Variants in ITGB3 observed in about 807,000 individuals in gnomAD.
ITGB3 encodes the protein integrin subunit beta 3.
In ITGB3, 48 loss-of-function variants were observed where a neutral mutation model predicts 85.8. The observed-to-expected ratio is 0.56, with a 90% CI of 0.44 to 0.71. The LOEUF (loss-of-function observed/expected upper bound fraction) is 0.71. Ranked by LOEUF, ITGB3 falls within the 30% of genes least tolerant of loss-of-function variation. The pLI, the probability that ITGB3 is intolerant of heterozygous loss-of-function variation, is 0.00. For missense variants in ITGB3, 861 were observed against 1,019.1 expected (o/e 0.84, Z 2.11); for synonymous variants, 363 against 395.6 (o/e 0.92, Z 0.98).
intron 10 of ITGB3, among the ~76,000 whole-genome samples, chr17:47,294,048 T>A (rs928102425): frequency 1.1e-4 from 17 of 152,368 alleles, no homozygotes; most frequent in African/African-American, 3.8e-4. Flanking sequence ...CTGCTTTTTT[T>A]ATTATCTACG....
intron 13 of ITGB3, chr17:47,303,730 C>A (rs2065176197): frequency 6.6e-6 from 1 of 152,252 alleles, no homozygotes; most frequent in Admixed American, 6.5e-5. Flanking sequence ...TTGTCACCAA[C>A]CAATGCTGTC....
chr17:47,272,732 TTTC>T (rs139679269), intron 1 of ITGB3, among the ~76,000 whole-genome samples: 21,540 of 146,056 alleles, frequency 0.15, 1,675 homozygotes, highest in African/African-American at 0.17. Context: ...TCTTTCGTTC[TTTC>T]TTTTCTTTCT....
Position 47,263,190 on chromosome 17 carries a change from C to T in ITGB3, c.79+9250C>T, listed in dbSNP as rs115641946. On this transcript the variant is annotated intron_variant, in intron 1 of 14. Coordinates refer to ENST00000559488, the MANE Select transcript of ITGB3 (RefSeq NM_000212.3). Reference sequence around the variant, plus strand: ...CATATCCATCTGTTGTTTTACTGCTCCTGCCTTACCACATTTCTCAGGAGC... The same window carrying T: ...CATATCCATCTGTTGTTTTACTGCTTCTGCCTTACCACATTTCTCAGGAGC... 8.5e-3 allele frequency among the ~76,000 whole-genome samples: 1,299 copies of T among 152,210 alleles called. 11 individuals carry two copies. Among genetic ancestry groups the T allele is most frequent in the African/African-American group, 0.03 (1,249 of 41,518 alleles).
At chr17:47,290,922 T>C (rs1457767695) in intron 8 of ITGB3, 32 bp from the exon 9 acceptor site, 1 of 1,613,756 alleles carries the variant, frequency 6.2e-7, no homozygotes, top group South Asian at 1.1e-5. Flanking sequence ...TTCAGTTCAA[T>C]TTCTTGTCTT....
intron 12 of ITGB3, among the ~76,000 whole-genome samples, chr17:47,301,599 A>C (rs888153345): frequency 1.3e-5 from 2 of 152,194 alleles, no homozygotes; most frequent in Admixed American, 1.3e-4. Flanking sequence ...AGGCTAATTG[A>C]TAAGCAGTTC....
Position 47,281,225 on chromosome 17 carries a change from C to T in ITGB3, c.166-2129C>T, listed in dbSNP as rs561142101. On this transcript the variant is annotated intron_variant, in intron 2 of 14. Coordinates refer to ENST00000559488, the MANE Select transcript of ITGB3 (RefSeq NM_000212.3). Reference sequence around the variant, plus strand: ...TGGGATATTGGTGTGGGTTATCCAGCAGACATTTGGAAGTGCTGGTTGGGG... The same window carrying T: ...TGGGATATTGGTGTGGGTTATCCAGTAGACATTTGGAAGTGCTGGTTGGGG... Among the ~76,000 whole-genome samples, 227 of 152,196 alleles carry T rather than the reference C, an allele frequency of 1.5e-3. 1 individual carries two copies. Among genetic ancestry groups the T allele is most frequent in the African/African-American group, 5.4e-3 (225 of 41,512 alleles).
chr17:47,274,598 C>A, intron 2 of ITGB3, 94 bp downstream of exon 2: 2 of 1,042,132 alleles, frequency 1.9e-6, no homozygotes, highest in East Asian at 2.4e-5. Flanking sequence ...CTCTTGAATA[C>A]ACATGCCCCT....
chr17:47,265,891 G>A (rs2065023541), intron 1 of ITGB3, among the ~76,000 whole-genome samples: 1 of 152,144 alleles, frequency 6.6e-6, no homozygotes, highest in Non-Finnish European at 1.5e-5. Flanking sequence ...ACTGCTTTGG[G>A]TGATGCTTAC....
chr17:47,270,690 G>A (rs1261659276), intron 1 of ITGB3, among the ~76,000 whole-genome samples: 1 of 152,200 alleles, frequency 6.6e-6, no homozygotes, highest in Admixed American at 6.5e-5. Context: ...TTGTAGTCAA[G>A]TCGGAGAGTG....
Position 47,290,946 on chromosome 17 carries a change from C to T in ITGB3, c.1126-8C>T. The T allele has an allele frequency of 6.2e-7, 1 of 1,614,126 alleles. No homozygotes were observed. Among genetic ancestry groups the T allele is most frequent in the Non-Finnish European group, 8.5e-7 (1 of 1,180,012 alleles). ...ATTTCTTGTCTTCTTGTGCCCCTTT[C>T]TGCTCAGAAAATCCGTTCTAAAGTA... On this transcript the variant is annotated splice_polypyrimidine_tract_variant and splice_region_variant and intron_variant, in intron 8 of 14. Transcript: ENST00000559488.
chr17:47,283,643 C>A, intron 3 of ITGB3, 94 bp downstream of exon 3: 2 of 1,233,212 alleles, frequency 1.6e-6, no homozygotes, highest in Non-Finnish European at 2.4e-6. Context: ...GGAAGTAGCT[C>A]AGAATGGAAA....
chr17:47,296,394 C>T (rs768660748), intron 10 of ITGB3, among the ~76,000 whole-genome samples: 3 of 151,932 alleles, frequency 2.0e-5, no homozygotes, highest in African/African-American at 7.3e-5. Context: ...CCATCATGCC[C>T]GGATAATTTT....
rs1467405237 is a variant in ITGB3 at position 47,286,434 on chromosome 17, G to T, written c.777+12G>T. On this transcript the variant is annotated intron_variant, in intron 5 of 14. Coordinates refer to ENST00000559488, the MANE Select transcript of ITGB3 (RefSeq NM_000212.3). ...CTACAGTCTGTGATGTGAGTTTGGA[G>T]GACTTGGAGTGCCAGGTGTGGCTGG... 6.2e-7 allele frequency: 1 copy of T among 1,613,890 alleles called. No individual in the cohort carries two copies. Among genetic ancestry groups the T allele is most frequent in the East Asian group, 2.2e-5 (1 of 44,894 alleles).
chr17:47,283,601 C>T (rs577039612), intron 3 of ITGB3, 52 bp downstream of exon 3: 4 of 1,563,046 alleles, frequency 2.6e-6, no homozygotes, highest in East Asian at 2.2e-5. Context: ...GGGCATAGAG[C>T]ACAAGGTGGA....
At chr17:47,305,711 C>CT (rs1188072690) in intron 13 of ITGB3, 1 of 152,066 alleles carries the variant, frequency 6.6e-6, no homozygotes, top group Non-Finnish European at 1.5e-5. Context: ...GTCCTGGTCT[C>CT]TAAGAATGCA....
chr17:47,302,676 C>T (rs374149962), intron 12 of ITGB3, 45 bp from the exon 13 acceptor site: 3 of 1,612,788 alleles, frequency 1.9e-6, no homozygotes, highest in Non-Finnish European at 2.5e-6. Context: ...TCCCATCTTC[C>T]AGTAGTTGTC....
intron 1 of ITGB3, among the ~76,000 whole-genome samples, chr17:47,262,114 T>A (rs1444639394): frequency 1.3e-5 from 2 of 152,238 alleles, no homozygotes; most frequent in Non-Finnish European, 2.9e-5. Flanking sequence ...CATGCGTATT[T>A]TAAATTTAAA....
At chr17:47,274,306 G>A (rs554521439) in intron 1 of ITGB3, 113 bp from the exon 2 acceptor site, 10 of 851,936 alleles carry the variant, frequency 1.2e-5, no homozygotes, top group Non-Finnish European at 1.6e-5. Flanking sequence ...GGGTGTGTTT[G>A]TGTGCACCTG....
rs72547409 is a variant in ITGB3 at position 47,283,534 on chromosome 17, C to G, written c.346C>G (p.Leu116Val). Residue 116 changes from leucine (L) to valine (V), a missense_variant, in exon 3 of 15, where the codon CTC (leucine) becomes GTC (valine). Leu to Val is a conservative substitution (Grantham distance 32, BLOSUM62 1). Coordinates refer to ENST00000559488, the MANE Select transcript of ITGB3 (RefSeq NM_000212.3). The part of the protein sequence containing the change: ...VTQVSPQRIA[L>V]RLRPDDSKNF... The stretch of plus-strand genomic sequence containing the variant: ...TCAAGTCAGTCCCCAGAGGATTGCA[C>G]TCCGGCTCCGGCCAGGTAGGGCTGG... The G allele has an allele frequency of 2.5e-6, 4 of 1,614,068 alleles. No homozygotes were observed. The African/African-American group carries it at 4.0e-5, about 16-fold the overall frequency.
Sources: allele counts gnomAD v4.1 joint callset (sites outside exome capture counted in the v4.1 genomes callset), GRCh38; gene constraint gnomAD v4.1.1; transcripts MANE v1.5; gene names NCBI Gene and HGNC (gene_info 2026-07-23, HGNC 2026-07-21).